The following IST1 variants were observed in gnomAD, a reference collection of about 807,000 sequenced individuals.
IST1 encodes IST1 homolog.
IST1 carries 23 observed loss-of-function variants against 37.0 expected under a neutral mutation model. The observed-to-expected ratio is 0.62, with a 90% confidence interval of 0.45 to 0.88. The LOEUF is 0.88. Ranked by LOEUF, IST1 falls within the 40% of genes least tolerant of loss-of-function variation. IST1 has a pLI of 0.00. For missense variants in IST1, 488 were observed against 445.4 expected, an observed-to-expected ratio of 1.10 and a Z score of -0.86; for synonymous variants, 180 against 161.7, an observed-to-expected ratio of 1.11 and a Z score of -0.86.
In IST1 at chr16:71,929,202, G is replaced by C. The variant is rs1302842879; in HGVS notation, c.*1389G>C. ...TTCCTTGGTCTTCCTCAGTGGCAGG[G>C]CTCCGCATCTGCCATGCCTCATCCT... On this transcript the variant is annotated 3_prime_UTR_variant, in exon 10 of 10. Coordinates refer to ENST00000378799, the MANE Select transcript of IST1 (RefSeq NM_001270975.2). 5.1e-6 allele frequency: 1 copy of C among 197,356 alleles called. No individual in the cohort carries two copies. Among genetic ancestry groups the C allele is most frequent in the African/African-American group, 2.3e-5 (1 of 42,606 alleles). 12.2% of individuals were successfully genotyped at this position (197,356 alleles called of 1,614,324 possible).
At chr16:71,898,314 T>A (rs141394795) in intron 1 of IST1, among the ~76,000 whole-genome samples, 2 of 147,754 alleles carry the variant, frequency 1.4e-5, no homozygotes, top group African/African-American at 5.0e-5. Flanking sequence ...GAGGTGGAGG[T>A]TGCAATGTGC....
chr16:71,929,709 A>T lies in IST1; in HGVS notation c.*1896A>T. ...TATTGAAGACAAAAAGAGAAAAGTG[A>T]GAAAATTGAAATTACTGCTAATAGT... On this transcript the variant is annotated 3_prime_UTR_variant, in exon 10 of 10. Coordinates refer to ENST00000378799, the MANE Select transcript of IST1 (RefSeq NM_001270975.2). 1 of 1,502,498 alleles carries T rather than the reference A, an allele frequency of 6.7e-7. No individual in the cohort carries two copies. Among genetic ancestry groups the T allele is most frequent in the Non-Finnish European group, 8.9e-7 (1 of 1,122,160 alleles). The allele number at this position is 1,502,498 out of a possible 1,614,324, so 93.1% of individuals were successfully genotyped here.
At chr16:71,900,683 A>G (rs1412365833) in intron 1 of IST1, among the ~76,000 whole-genome samples, 2 of 152,212 alleles carry the variant, frequency 1.3e-5, no homozygotes, top group Non-Finnish European at 2.9e-5. Context: ...ATATGTATAT[A>G]AACAGAATAC....
chr16:71,922,983 A>G (rs992508538), intron 7 of IST1: 29 of 490,360 alleles, frequency 5.9e-5, no homozygotes, highest in African/African-American at 4.9e-4. Flanking sequence ...TAAACCACCA[A>G]TTATTACCAG....
chr16:71,895,880 T>G (rs1034105281), intron 1 of IST1, among the ~76,000 whole-genome samples: 2 of 152,144 alleles, frequency 1.3e-5, no homozygotes, highest in Non-Finnish European at 2.9e-5. Flanking sequence ...CCCCTAGTCT[T>G]CCTGCCCCGA....
At position 71,929,839 on chromosome 16, in the gene IST1, C is replaced by T. The variant is rs1049269186; in HGVS notation, c.*2026C>T. On this transcript the variant is annotated 3_prime_UTR_variant, in exon 10 of 10. Coordinates refer to ENST00000378799, the MANE Select transcript of IST1 (RefSeq NM_001270975.2). Reference sequence around the variant, plus strand: ...ATTGGAGTGTTTCCACTAATGGTTGCGAGCCAACTATTTATAGGACAATGG... The same window carrying T: ...ATTGGAGTGTTTCCACTAATGGTTGTGAGCCAACTATTTATAGGACAATGG... 3.8e-5 allele frequency: 36 copies of T among 942,688 alleles called. No individual in the cohort carries two copies. The highest frequency in any genetic ancestry group is 3.2e-4 in the East Asian group (12 of 37,856). The allele number at this position is 942,688 out of a possible 1,614,324, so 58.4% of individuals were successfully genotyped here.
intron 6 of IST1, 150 bp downstream of exon 6, chr16:71,921,603 TATCTCACAGGGTAC>T (rs2037586542): frequency 1.7e-6 from 1 of 590,410 alleles, no homozygotes; most frequent in East Asian, 2.8e-5. Flanking sequence ...TGTGCCTGCA[TATCTCACAGGGTAC>T]TTAAGGAATT....
At position 71,927,848 on chromosome 16, in the gene IST1, G is replaced by T. The variant is rs2037787620; in HGVS notation, c.*35G>T. The T allele has an allele frequency of 2.1e-6, 3 of 1,456,424 alleles. No homozygotes were observed. The African/African-American group carries it at 4.2e-5, about 20-fold the overall frequency. The allele number at this position is 1,456,424 out of a possible 1,614,324, so 90.2% of individuals were successfully genotyped here. ...ACCAGGCAACTTTCACGTTTTGGGA[G>T]TTGAGACTGAGCAATTTCTCCTTGT... On this transcript the variant is annotated 3_prime_UTR_variant, in exon 10 of 10. Transcript: ENST00000378799.
At chr16:71,900,566 G>T (rs75233370) in intron 1 of IST1, among the ~76,000 whole-genome samples, 1 of 151,948 alleles carries the variant, frequency 6.6e-6, no homozygotes, top group Non-Finnish European at 1.5e-5. Flanking sequence ...GAACTAGATG[G>T]GTTTGCTATG....
intron 1 of IST1, among the ~76,000 whole-genome samples, chr16:71,897,297 T>A (rs2142515628): frequency 6.6e-6 from 1 of 151,836 alleles, no homozygotes; most frequent in African/African-American, 2.4e-5. Flanking sequence ...GTATTTTGAA[T>A]CCCCAGTGTT....
At position 71,930,108 on chromosome 16, in the gene IST1, T is replaced by A; in HGVS notation, c.*2295T>A. On this transcript the variant is annotated 3_prime_UTR_variant, in exon 10 of 10. Coordinates refer to ENST00000378799, the MANE Select transcript of IST1 (RefSeq NM_001270975.2). ...ATGAGAATGGCCGAAACGAAAAGAT[T>A]AATTACCACAAGTACCATCAAGATG... is the stretch of plus-strand genomic sequence containing the variant. 6.4e-7 allele frequency: 1 copy of A among 1,551,588 alleles called. No individual in the cohort carries two copies. Among genetic ancestry groups the A allele is most frequent in the Non-Finnish European group, 8.7e-7 (1 of 1,146,900 alleles).
chr16:71,925,415 C>T (rs1567475324), intron 9 of IST1, among the ~76,000 whole-genome samples: 1 of 150,794 alleles, frequency 6.6e-6, no homozygotes, highest in Non-Finnish European at 1.5e-5. Flanking sequence ...CTCCCGGGTT[C>T]AGGCTATTCT....
rs767124869 is a variant in IST1 at position 71,922,629 on chromosome 16, GCCTA to G, written c.709_712del (p.Pro237CysfsTer48). ...TGCCAATGCCCATGCCCATGCCCAT[GCCTA>G]TGCCATCTGCAAATACGCCTTTCTC... On this transcript the variant is annotated frameshift_variant, in exon 7 of 10. Coordinates refer to ENST00000378799, the MANE Select transcript of IST1 (RefSeq NM_001270975.2). LOFTEE classifies it high-confidence loss of function. 26 of 1,555,188 alleles carry G rather than the reference GCCTA, an allele frequency of 1.7e-5. No homozygotes were observed. The East Asian group carries it at 4.2e-4, about 25-fold the overall frequency.
chr16:71,912,666 G>A (rs745907038), intron 1 of IST1, among the ~76,000 whole-genome samples: 3 of 152,160 alleles, frequency 2.0e-5, no homozygotes, highest in Non-Finnish European at 4.4e-5. Context: ...TAAGTGTAGA[G>A]TTCAGTAGTG....
intron 1 of IST1, among the ~76,000 whole-genome samples, chr16:71,914,103 C>T (rs576930061): frequency 1.0e-4 from 8 of 80,128 alleles, no homozygotes; most frequent in Admixed American, 1.4e-4. Flanking sequence ...CCACTGCGCC[C>T]GGCTGGTTTT....
chr16:71,919,766 A>AT (rs1407719729), intron 4 of IST1, among the ~76,000 whole-genome samples: 3 of 152,170 alleles, frequency 2.0e-5, no homozygotes, highest in African/African-American at 7.2e-5. Context: ...ATCAGATTTG[A>AT]TTCTGCTGTT....
chr16:71,901,556 G>T (rs1235669766), intron 1 of IST1, among the ~76,000 whole-genome samples: 1 of 152,136 alleles, frequency 6.6e-6, no homozygotes, highest in Non-Finnish European at 1.5e-5. Flanking sequence ...TTTATTTAAT[G>T]TACTGGTAAT....
intron 1 of IST1, among the ~76,000 whole-genome samples, chr16:71,902,809 T>C (rs1429161512): frequency 2.0e-5 from 3 of 152,204 alleles, no homozygotes; most frequent in South Asian, 4.1e-4. Context: ...GAGTTTGTTA[T>C]ATAGGTATGT....
intron 1 of IST1, among the ~76,000 whole-genome samples, chr16:71,905,583 T>C (rs1258887750): frequency 6.6e-6 from 1 of 152,084 alleles, no homozygotes; most frequent in Non-Finnish European, 1.5e-5. Flanking sequence ...TTTCACCATG[T>C]TGGCCAGGCT....
Sources: gnomAD v4.1 joint callset for allele counts (sites outside exome capture counted in the v4.1 genomes callset) on GRCh38, gnomAD v4.1.1 for gene constraint, MANE v1.5 for transcripts, NCBI Gene and HGNC (gene_info 2026-07-23, HGNC 2026-07-21) for gene names.